Variants in NFE2L3 observed in about 807,000 individuals in gnomAD.
The protein encoded by NFE2L3 is NFE2 like bZIP transcription factor 3.
NFE2L3 carries 18 observed loss-of-function variants against 23.5 expected under a neutral mutation model. That is an observed-to-expected ratio of 0.77 (90% confidence interval 0.53 to 1.13). The LOEUF (loss-of-function observed/expected upper bound fraction) is 1.13, where lower values mean the gene tolerates loss of function less well. Among genes scored for constraint, NFE2L3 ranks in the 50% most tolerant of loss-of-function variants. The pLI is 0.00. For missense variants in NFE2L3, 1,152 were observed against 877.2 expected (o/e 1.31, Z -3.96); for synonymous variants, 424 against 354.5 (o/e 1.20, Z -2.20).
At position 26,186,206 on chromosome 7, in the gene NFE2L3, G is replaced by A. The variant is rs1247724604; in HGVS notation, c.*423G>A. On this transcript the variant is annotated 3_prime_UTR_variant, in exon 4 of 4. Coordinates refer to ENST00000056233, the MANE Select transcript of NFE2L3 (RefSeq NM_004289.7). ...TTTCATTTAGTTTGTTAGCACTATA[G>A]TGAGCTTTTCAAACACTATTTTAAT... 1 of 154,292 alleles carries A rather than the reference G, an allele frequency of 6.5e-6. No individual in the cohort carries two copies. The highest frequency in any genetic ancestry group is 1.4e-5 in the Non-Finnish European group (1 of 69,624). The allele number at this position is 154,292 out of a possible 1,614,324, so 9.6% of individuals were successfully genotyped here. A position where few individuals can be genotyped will look rare whatever the true frequency, so the allele number is the denominator to read the frequency against.
chr7:26,162,237 G>A (rs1325577512), intron 1 of NFE2L3, among the ~76,000 whole-genome samples: 1 of 151,198 alleles, frequency 6.6e-6, no homozygotes, highest in African/African-American at 2.5e-5. Flanking sequence ...GTTCTATATC[G>A]TGGTTGGGGT....
rs1562682194 is a variant in NFE2L3 at position 26,186,263 on chromosome 7, A to C, written c.*480A>C. On this transcript the variant is annotated 3_prime_UTR_variant, in exon 4 of 4. Transcript: ENST00000056233. ...ATTTAACTTATAAATTTTGCTTTCT[A>C]TGGAAATAAATTTTGTATTTGTATT... is the stretch of plus-strand genomic sequence containing the variant. 6.6e-6 allele frequency: 1 copy of C among 152,368 alleles called. No individual in the cohort carries two copies. Among genetic ancestry groups the C allele is most frequent in the African/African-American group, 2.4e-5 (1 of 41,444 alleles). 9.4% of individuals were successfully genotyped at this position (152,368 alleles called of 1,614,324 possible).
At chr7:26,173,765 G>A (rs906470881) in intron 1 of NFE2L3, 1 of 152,194 alleles carries the variant, frequency 6.6e-6, no homozygotes, top group African/African-American at 2.4e-5. Flanking sequence ...TATGTAGCAA[G>A]GGTCTGTTAT....
rs777688128 is a variant in NFE2L3 at position 26,152,515 on chromosome 7, G to C, written c.17G>C (p.Arg6Pro). 33 of 1,400,832 alleles carry C rather than the reference G, an allele frequency of 2.4e-5. 1 individual carries two copies. The Admixed American group carries it at 8.4e-4, about 36-fold the overall frequency. The allele number at this position is 1,400,832 out of a possible 1,614,324, so 86.8% of individuals were successfully genotyped here. A position where few individuals can be genotyped will look rare whatever the true frequency, so the allele number is the denominator to read the frequency against. MKHLK[R>P]WWSAGGGLLH... ...GCGGCGGCGATGAAGCACCTGAAGC[G>C]GTGGTGGTCGGCCGGCGGCGGCCTC... Residue 6 changes from arginine to proline, a missense_variant, in exon 1 of 4, where the codon CGG (arginine) becomes CCG (proline). By Grantham distance (103) the Arg-to-Pro change is moderately radical. Transcript: ENST00000056233. The surrounding 1 kb of genome is among the most constrained non-coding windows in gnomAD (Gnocchi z 4.4).
At position 26,186,927 on chromosome 7, in the gene NFE2L3, G is replaced by A. The variant is rs1278782193; in HGVS notation, c.*1144G>A. ...AAGACAGCAATGACCTCACCTAGAT[G>A]ACTCAAGTTTGGGGAACATCAAGAT... On this transcript the variant is annotated 3_prime_UTR_variant, in exon 4 of 4. Coordinates refer to ENST00000056233, the MANE Select transcript of NFE2L3 (RefSeq NM_004289.7). 6.6e-6 allele frequency: 1 copy of A among 152,162 alleles called. No homozygotes were observed. Among genetic ancestry groups the A allele is most frequent in the African/African-American group, 2.4e-5 (1 of 41,426 alleles). The allele number at this position is 152,162 out of a possible 1,614,324, so 9.4% of individuals were successfully genotyped here. A position where few individuals can be genotyped will look rare whatever the true frequency, so the allele number is the denominator to read the frequency against.
chr7:26,155,456 T>TGAA (rs879368846), intron 1 of NFE2L3, among the ~76,000 whole-genome samples: 3 of 151,344 alleles, frequency 2.0e-5, no homozygotes, highest in African/African-American at 2.4e-5. Flanking sequence ...AGAAAAAAAA[T>TGAA]GAAGAAGAAG....
chr7:26,183,919 G>C, intron 3 of NFE2L3, 135 bp downstream of exon 3: 1 of 633,578 alleles, frequency 1.6e-6, no homozygotes. Context: ...CTTCAGCTTA[G>C]AATTAACCAA....
intron 2 of NFE2L3, among the ~76,000 whole-genome samples, chr7:26,183,254 A>G (rs1422208678): frequency 1.3e-5 from 2 of 152,176 alleles, no homozygotes; most frequent in East Asian, 1.9e-4. Context: ...GAGTACCATA[A>G]TCAGAGAAAT....
At chr7:26,175,853 C>CTTTTTTTTTTT (rs70943276) in intron 1 of NFE2L3, among the ~76,000 whole-genome samples, 56 of 111,460 alleles carry the variant, frequency 5.0e-4, no homozygotes, top group Non-Finnish European at 7.7e-4. Context: ...ATTTTCTTTT[C>CTTTTTTTTTTT]TTTTTTTTTT....
chr7:26,171,807 A>C (rs1283186828), intron 1 of NFE2L3, among the ~76,000 whole-genome samples: 2 of 152,106 alleles, frequency 1.3e-5, no homozygotes, highest in African/African-American at 4.8e-5. Context: ...AAGGAGGAAG[A>C]ATTGTTTGAC....
chr7:26,165,253 T>C (rs1246039179), intron 1 of NFE2L3, among the ~76,000 whole-genome samples: 3 of 152,256 alleles, frequency 2.0e-5, no homozygotes. Flanking sequence ...ATGGCCATTT[T>C]CACGATATTG....
At chr7:26,166,356 C>G (rs1348263987) in intron 1 of NFE2L3, among the ~76,000 whole-genome samples, 2 of 152,138 alleles carry the variant, frequency 1.3e-5, no homozygotes, top group Non-Finnish European at 2.9e-5. Context: ...GTGTTCTGCT[C>G]TAGCCTTCCC....
At chr7:26,181,217 T>TCCAC (rs1250290485) in intron 2 of NFE2L3, among the ~76,000 whole-genome samples, 1 of 152,188 alleles carries the variant, frequency 6.6e-6, no homozygotes, top group East Asian at 1.9e-4. Flanking sequence ...GCTCAAGCAA[T>TCCAC]CTGCCCACTT....
At chr7:26,164,902 T>A (rs948682029) in intron 1 of NFE2L3, among the ~76,000 whole-genome samples, 2 of 152,246 alleles carry the variant, frequency 1.3e-5, no homozygotes, top group Admixed American at 1.3e-4. Context: ...CAGCACCATT[T>A]ATTAAATAGG....
rs769286430 is a variant in NFE2L3, at chr7:26,153,075, G to A, written c.570+7G>A. ...TGGCGGATGTGCGAGCGAGGTAGGT[G>A]CAGAGCGGGAAGCGAGCGAAGTGCG... On this transcript the variant is annotated splice_region_variant and intron_variant, in intron 1 of 3. Transcript: ENST00000056233. 2.6e-4 allele frequency: 389 copies of A among 1,521,712 alleles called. No individual in the cohort carries two copies. Among genetic ancestry groups the A allele is most frequent in the Non-Finnish European group, 3.1e-4 (358 of 1,139,162 alleles). 94.3% of individuals were successfully genotyped at this position (1,521,712 alleles called of 1,614,324 possible).
rs751748852 is a variant in NFE2L3, at chr7:26,152,882, C to A, written c.384C>A (p.Leu128=). The A allele has an allele frequency of 1.4e-6, 2 of 1,456,590 alleles. No homozygotes were observed. The highest frequency in any genetic ancestry group is 3.0e-5 in the East Asian group (1 of 33,514). The allele number at this position is 1,456,590 out of a possible 1,614,324, so 90.2% of individuals were successfully genotyped here. Residue 128 remains leucine (L), a synonymous_variant, in exon 1 of 4, where the codon CTC becomes CTA. Coordinates refer to ENST00000056233, the MANE Select transcript of NFE2L3 (RefSeq NM_004289.7). The surrounding 1 kb of genome is among the most constrained non-coding windows in gnomAD (Gnocchi z 4.4). The stretch of plus-strand genomic sequence containing the variant: ...GCGCGGACGAGGCCCACGGGCTGCT[C>A]GGCGCCGCCGCCGCCTCGTCCACCG... The part of the protein sequence containing the change: ...AGSADEAHGL[L]GAAAASSTGG...
intron 1 of NFE2L3, among the ~76,000 whole-genome samples, chr7:26,167,254 T>G (rs1784264116): frequency 6.6e-6 from 1 of 152,176 alleles, no homozygotes; most frequent in African/African-American, 2.4e-5. Flanking sequence ...TAATTTGTGA[T>G]TTTAGATAGA....
chr7:26,177,916 AT>A (rs1784443419), intron 1 of NFE2L3, 26 bp from the exon 2 acceptor site: 1 of 1,596,706 alleles, frequency 6.3e-7, no homozygotes, highest in African/African-American at 1.4e-5. Context: ...CTGTTTGCTT[AT>A]TTGATGAAAT....
intron 1 of NFE2L3, chr7:26,174,714 C>G (rs976052263): frequency 2.0e-4 from 30 of 152,172 alleles, no homozygotes; most frequent in Non-Finnish European, 1.6e-4. Context: ...ATTGCCATTT[C>G]TTCAACCTTC....
Sources: gnomAD v4.1 joint callset for allele counts (sites outside exome capture counted in the v4.1 genomes callset) on GRCh38, gnomAD v4.1.1 for gene constraint, Gnocchi (gnomAD v3.1) non-coding constraint, MANE v1.5 for transcripts, NCBI Gene and HGNC (gene_info 2026-07-23, HGNC 2026-07-21) for gene names.